Variants in CACNA1C observed in about 807,000 individuals in gnomAD.
The protein encoded by CACNA1C is voltage-dependent L-type calcium channel subunit alpha-1C.
CACNA1C carries 30 observed loss-of-function variants against 229.0 expected under a neutral mutation model. The observed-to-expected ratio is 0.13, with a 90% confidence interval of 0.10 to 0.18. The LOEUF (loss-of-function observed/expected upper bound fraction) is 0.18. Ranked by LOEUF, CACNA1C falls within the 10% of genes least tolerant of loss-of-function variation. The pLI, the probability that CACNA1C is intolerant of heterozygous loss-of-function variation, is 1.00. For missense variants in CACNA1C, 1,658 were observed against 2,845.0 expected (o/e 0.58, Z 9.49); for synonymous variants, 1,114 against 1,132.5 (o/e 0.98, Z 0.33).
chr12:2,283,508 C>T (rs954754015), intron 3 of CACNA1C, among the ~76,000 whole-genome samples: 11 of 152,000 alleles, frequency 7.2e-5, no homozygotes, highest in Non-Finnish European at 1.6e-4. Flanking sequence ...ATTATTGCCA[C>T]GAGCCAGTCT....
intron 3 of CACNA1C, among the ~76,000 whole-genome samples, chr12:2,259,758 A>G (rs1209778288): frequency 6.6e-6 from 1 of 152,166 alleles, no homozygotes; most frequent in Non-Finnish European, 1.5e-5. Flanking sequence ...ATGTAGCAAG[A>G]CCTGGTCTCT....
chr12:2,236,670 G>A (rs1485657844), intron 3 of CACNA1C, among the ~76,000 whole-genome samples: 1 of 152,128 alleles, frequency 6.6e-6, no homozygotes, highest in African/African-American at 2.4e-5. Context: ...CCAGCAGTGT[G>A]CAAGGGATCA....
At chr12:2,160,068 C>T (rs556867704) in intron 3 of CACNA1C, among the ~76,000 whole-genome samples, 76 of 152,268 alleles carry the variant, frequency 5.0e-4, no homozygotes, top group African/African-American at 1.8e-3. Context: ...CTGCTGGGAT[C>T]CTATTTAATT....
At chr12:2,584,700 GA>G in intron 16 of CACNA1C, 83 bp downstream of exon 16, 2 of 938,496 alleles carry the variant, frequency 2.1e-6, no homozygotes, top group Non-Finnish European at 3.3e-6. Context: ...AGAGAGGCTT[GA>G]CTGCTAGCCT....
chr12:2,188,858 C>T (rs1014233602), intron 3 of CACNA1C, among the ~76,000 whole-genome samples: 21 of 151,892 alleles, frequency 1.4e-4, no homozygotes, highest in South Asian at 4.2e-4. Flanking sequence ...TTTGGGAGGC[C>T]GAGGCAGGCG....
At chr12:2,068,834 C>G (rs893742470) in intron 1 of CACNA1C, among the ~76,000 whole-genome samples, 1 of 152,210 alleles carries the variant, frequency 6.6e-6, no homozygotes, top group Non-Finnish European at 1.5e-5. Context: ...AGCTTGATCT[C>G]TTGCTGGGTC....
At chr12:2,073,891 G>C (rs2062233879) in intron 1 of CACNA1C, among the ~76,000 whole-genome samples, 1 of 151,922 alleles carries the variant, frequency 6.6e-6, no homozygotes, top group Non-Finnish European at 1.5e-5. Context: ...TCCAGGACTG[G>C]TTATGGCCAC....
In CACNA1C at chr12:2,653,762, G is replaced by A. The variant is rs749132922; in HGVS notation, c.4075-73G>A. On this transcript the variant is annotated intron_variant, in intron 32 of 46. Coordinates refer to ENST00000399655, the MANE Select transcript of CACNA1C (RefSeq NM_000719.7). This position sits in a 1 kb window ranked among gnomAD's most constrained non-coding sequence, Gnocchi z 4.7. The stretch of plus-strand genomic sequence containing the variant: ...CTGATGGCTGCAGAGACAGGGATGC[G>A]GCGCTCCCTGGGAAGGGGCCCAGCT... 193 of 1,288,588 alleles carry A rather than the reference G, an allele frequency of 1.5e-4. No homozygotes were observed. Among genetic ancestry groups the A allele is most frequent in the Non-Finnish European group, 1.9e-4 (167 of 891,670 alleles). 79.8% of individuals were successfully genotyped at this position (1,288,588 alleles called of 1,614,324 possible).
chr12:2,368,105 T>C (rs796065906), intron 3 of CACNA1C, among the ~76,000 whole-genome samples: 1 of 152,182 alleles, frequency 6.6e-6, no homozygotes, highest in Non-Finnish European at 1.5e-5. Context: ...AAATGCAGCA[T>C]GCAATAAAAC....
In CACNA1C at chr12:2,486,448, T is replaced by A. The variant is rs2099697857; in HGVS notation, c.916+186T>A. 6.6e-6 allele frequency among the ~76,000 whole-genome samples: 1 copy of A among 152,238 alleles called. No homozygotes were observed. Among genetic ancestry groups the A allele is most frequent in the Non-Finnish European group, 1.5e-5 (1 of 68,040 alleles). ...TCCTTTTTTTCTCAGTTCCAATTTT[T>A]GTTTTAATCTCTGTTAAACCGGCCT... On this transcript the variant is annotated intron_variant, in intron 6 of 46. Transcript: ENST00000399655. This position sits in a 1 kb window ranked among gnomAD's most constrained non-coding sequence, Gnocchi z 4.9.
rs1186488965 is a variant in CACNA1C, at chr12:2,652,961, G to A, written c.4075-874G>A. 5.3e-5 allele frequency among the ~76,000 whole-genome samples: 8 copies of A among 152,362 alleles called. No individual in the cohort carries two copies. In the South Asian group the frequency reaches 6.2e-4, roughly 12 times the overall value. ...GTGACTGCGAGGGCCTGATGGCGGC[G>A]CAGGCGTTCGGGCCAGGCAGCTGGC... is the stretch of plus-strand genomic sequence containing the variant. On this transcript the variant is annotated intron_variant, in intron 32 of 46. Coordinates refer to ENST00000399655, the MANE Select transcript of CACNA1C (RefSeq NM_000719.7).
At chr12:2,442,178 A>G (rs1473358423) in intron 3 of CACNA1C, among the ~76,000 whole-genome samples, 1 of 152,206 alleles carries the variant, frequency 6.6e-6, no homozygotes, top group African/African-American at 2.4e-5. Context: ...CTTATAATGT[A>G]GTTGAAAAGA....
At chr12:2,278,101 G>A (rs1360997348) in intron 3 of CACNA1C, among the ~76,000 whole-genome samples, 3 of 152,166 alleles carry the variant, frequency 2.0e-5, no homozygotes, top group African/African-American at 7.2e-5. Context: ...AAATTCCATA[G>A]GAATAAACCA....
chr12:2,046,677 T>C (rs549964796), intron 1 of CACNA1C, among the ~76,000 whole-genome samples: 1 of 152,336 alleles, frequency 6.6e-6, no homozygotes, highest in Non-Finnish European at 1.5e-5. Context: ...CTTGTTATCC[T>C]AACAACTTAG....
intron 3 of CACNA1C, among the ~76,000 whole-genome samples, chr12:2,216,910 T>C (rs1344153038): frequency 1.3e-5 from 2 of 152,212 alleles, no homozygotes; most frequent in Non-Finnish European, 2.9e-5. Flanking sequence ...AAAAGTATAC[T>C]CCAGGATTTA....
chr12:2,581,145 A>G (rs550290069), intron 13 of CACNA1C, among the ~76,000 whole-genome samples: 1 of 152,178 alleles, frequency 6.6e-6, no homozygotes, highest in Non-Finnish European at 1.5e-5. Context: ...AGTGACAACA[A>G]TGATTACCAA....
chr12:2,051,735 C>A (rs2052277552), upstream of CACNA1C, among the ~76,000 whole-genome samples: 1 of 152,180 alleles, frequency 6.6e-6, no homozygotes, highest in Non-Finnish European at 1.5e-5. Context: ...GGATGGTCAT[C>A]GACTGCGATG....
At chr12:2,624,066 C>T (rs2153519320) in intron 29 of CACNA1C, among the ~76,000 whole-genome samples, 1 of 152,332 alleles carries the variant, frequency 6.6e-6, no homozygotes, top group South Asian at 2.1e-4. Context: ...CTGAGACTAC[C>T]TCAGGCCAAA....
intron 3 of CACNA1C, among the ~76,000 whole-genome samples, chr12:2,272,491 C>G (rs2085531179): frequency 6.6e-6 from 1 of 152,148 alleles, no homozygotes; most frequent in African/African-American, 2.4e-5. Flanking sequence ...GAGCCGGAAG[C>G]CAGACAGCAG....
Sources: gnomAD v4.1 joint callset for allele counts (sites outside exome capture counted in the v4.1 genomes callset) on GRCh38, gnomAD v4.1.1 for gene constraint, Gnocchi (gnomAD v3.1) non-coding constraint, MANE v1.5 for transcripts, NCBI Gene and HGNC (gene_info 2026-07-23, HGNC 2026-07-21) for gene names.